Variants in NPAS3 observed in about 807,000 individuals in gnomAD.
The protein encoded by NPAS3 is neuronal PAS domain-containing protein 3.
In NPAS3, 14 loss-of-function variants were observed where a neutral mutation model predicts 73.1. That is an observed-to-expected ratio of 0.19 (90% CI 0.13 to 0.30). The LOEUF is 0.30. Among genes scored for constraint, NPAS3 ranks in the 10% least tolerant of loss-of-function variants. The pLI, the probability that NPAS3 is intolerant of heterozygous loss-of-function variation, is 1.00. For missense variants in NPAS3, 1,096 were observed against 1,250.0 expected (o/e 0.88, Z 1.86); for synonymous variants, 620 against 541.5 (o/e 1.14, Z -2.01).
chr14:33,463,399 A>C lies in NPAS3; in HGVS notation c.468+96131A>C, dbSNP rs374793725. On this transcript the variant is annotated intron_variant, in intron 4 of 11. Transcript: ENST00000356141. The stretch of plus-strand genomic sequence containing the variant: ...TAAACATTAAATTGATTATATAATA[A>C]AGCCAATAGCTCATTTGGAATATTT... 7.2e-5 allele frequency among the ~76,000 whole-genome samples: 11 copies of C among 152,306 alleles called. No homozygotes were observed. In the East Asian group the frequency reaches 1.2e-3, roughly 16 times the overall value.
chr14:33,485,327 T>G (rs1213863147), intron 4 of NPAS3, among the ~76,000 whole-genome samples: 2 of 152,168 alleles, frequency 1.3e-5, no homozygotes, highest in African/African-American at 4.8e-5. Flanking sequence ...CATGGTTTAA[T>G]CACATTCTAC....
At chr14:33,012,439 T>G (rs1213553768) in intron 1 of NPAS3, among the ~76,000 whole-genome samples, 1 of 152,250 alleles carries the variant, frequency 6.6e-6, no homozygotes, top group East Asian at 1.9e-4. Context: ...CCATGTTTTT[T>G]GTTTTCTGTC....
chr14:33,793,007 CTG>C (rs1290215056), intron 9 of NPAS3, among the ~76,000 whole-genome samples: 6 of 152,232 alleles, frequency 3.9e-5, no homozygotes, highest in Admixed American at 1.3e-4. Context: ...GGATGATTTA[CTG>C]TGCTTTCCCC....
At chr14:33,029,248 TG>T (rs1412540817) in intron 1 of NPAS3, among the ~76,000 whole-genome samples, 2 of 152,238 alleles carry the variant, frequency 1.3e-5, no homozygotes, top group African/African-American at 2.4e-5. Context: ...CTCTATGCAG[TG>T]GGGAGCATTG....
At chr14:33,717,580 C>T (rs1418386689) in intron 6 of NPAS3, among the ~76,000 whole-genome samples, 1 of 152,064 alleles carries the variant, frequency 6.6e-6, no homozygotes, top group African/African-American at 2.4e-5. Flanking sequence ...CCCCAAATTC[C>T]TGCCATCTTT....
In NPAS3 at chr14:33,704,159, T is replaced by C. The variant is rs140753769; in HGVS notation, c.733+27774T>C. Among the ~76,000 whole-genome samples, 15 of 152,308 alleles carry C rather than the reference T, an allele frequency of 9.8e-5. No homozygotes were observed. The East Asian group carries it at 2.9e-3, about 29-fold the overall frequency. ...CATTACCTTGCACATAAATACGCAG[T>C]GAAATCTAGAGAATTTTTAGGAATA... is the stretch of plus-strand genomic sequence containing the variant. On this transcript the variant is annotated intron_variant, in intron 6 of 11. Transcript: ENST00000356141.
intron 2 of NPAS3, among the ~76,000 whole-genome samples, chr14:33,165,383 G>T (rs889749142): frequency 6.6e-6 from 1 of 151,626 alleles, no homozygotes; most frequent in East Asian, 1.9e-4. Context: ...CAAACCAGCA[G>T]GAAACTGCAT....
intron 1 of NPAS3, among the ~76,000 whole-genome samples, chr14:33,008,666 G>C (rs1364278001): frequency 6.6e-6 from 1 of 152,178 alleles, no homozygotes; most frequent in Non-Finnish European, 1.5e-5. Context: ...TTGTAATTTT[G>C]AGGGTTTTAT....
chr14:33,292,362 C>T (rs531356260), intron 3 of NPAS3, among the ~76,000 whole-genome samples: 38 of 152,210 alleles, frequency 2.5e-4, no homozygotes, highest in African/African-American at 7.5e-4. Context: ...GCTCTGTCCT[C>T]GACGTTTTCT....
intron 2 of NPAS3, among the ~76,000 whole-genome samples, chr14:33,198,302 C>G (rs1469812691): frequency 6.6e-6 from 1 of 152,192 alleles, no homozygotes; most frequent in Non-Finnish European, 1.5e-5. Flanking sequence ...ATTCCCTTAT[C>G]TGGCCCCACC....
chr14:33,535,459 G>A (rs28503397), intron 4 of NPAS3, among the ~76,000 whole-genome samples: 29,066 of 152,066 alleles, frequency 0.19, 3,890 homozygotes, highest in African/African-American at 0.38. Context: ...GTAGAATCAT[G>A]TAGAGTATGC....
chr14:33,349,921 G>A (rs867371902), intron 3 of NPAS3, among the ~76,000 whole-genome samples: 2 of 152,144 alleles, frequency 1.3e-5, no homozygotes, highest in Non-Finnish European at 2.9e-5. Context: ...GGAGAAGGGC[G>A]TCTCCCACTT....
At chr14:32,983,697 C>T (rs554898236) in intron 1 of NPAS3, among the ~76,000 whole-genome samples, 5 of 151,966 alleles carry the variant, frequency 3.3e-5, no homozygotes, top group Non-Finnish European at 7.4e-5. Context: ...ATTTATAACA[C>T]ATATTTAATG....
intron 5 of NPAS3, among the ~76,000 whole-genome samples, chr14:33,569,919 G>T (rs570147484): frequency 2.0e-5 from 3 of 152,256 alleles, no homozygotes; most frequent in African/African-American, 4.8e-5. Context: ...TAAAGATCTG[G>T]CTCTTTACCA....
chr14:33,513,194 A>G (rs1566963110), intron 4 of NPAS3, among the ~76,000 whole-genome samples: 2 of 152,034 alleles, frequency 1.3e-5, no homozygotes, highest in Non-Finnish European at 2.9e-5. Context: ...CATGTGGTTT[A>G]ACATGAAGTT....
chr14:33,677,898 G>T (rs1245994225), intron 6 of NPAS3, among the ~76,000 whole-genome samples: 1 of 152,186 alleles, frequency 6.6e-6, no homozygotes, highest in Non-Finnish European at 1.5e-5. Flanking sequence ...AACTGGAACT[G>T]TTTTTTAGTC....
intron 2 of NPAS3, among the ~76,000 whole-genome samples, chr14:33,087,919 C>G (rs1406723146): frequency 6.6e-6 from 1 of 152,258 alleles, no homozygotes; most frequent in African/African-American, 2.4e-5. Flanking sequence ...CAGTAAGTAC[C>G]TCACCCATCT....
chr14:33,307,613 T>G lies in NPAS3; in HGVS notation c.386-59573T>G, dbSNP rs8005460. On this transcript the variant is annotated intron_variant, in intron 3 of 11. Transcript: ENST00000356141. ...TTTCAATGTGTGTGTGTGTGTGTGT[T>G]CGTGTGCGTGCATGTTTGTGTGCTG... Among the ~76,000 whole-genome samples the G allele has an allele frequency of 2.0e-4, 9 of 44,184 alleles. 1 individual carries two copies. In the South Asian group the frequency reaches 3.1e-3, roughly 15 times the overall value. 29.0% of individuals were successfully genotyped at this position (44,184 alleles called of 152,430 possible).
At chr14:33,215,467 G>T (rs199778215) in intron 3 of NPAS3, 41 bp downstream of exon 3, 3 of 1,606,192 alleles carry the variant, frequency 1.9e-6, no homozygotes, top group Non-Finnish European at 2.6e-6. Context: ...ATGATGGTCT[G>T]TAGGGGTCTG....
Sources: gnomAD v4.1 joint callset for allele counts (sites outside exome capture counted in the v4.1 genomes callset) on GRCh38, gnomAD v4.1.1 for gene constraint, MANE v1.5 for transcripts, NCBI Gene and HGNC (gene_info 2026-07-23, HGNC 2026-07-21) for gene names.